Variants in ITPR3 observed in about 807,000 individuals in gnomAD.
ITPR3 encodes the protein inositol 1,4,5-trisphosphate receptor type 3, also known as inositol 1,4,5-trisphosphate-gated calcium channel ITPR3.
In ITPR3, 173 loss-of-function variants were observed where a neutral mutation model predicts 293.2. The ratio of observed to expected loss-of-function variants is 0.59; its 90% CI spans 0.52 to 0.67. ITPR3 has a LOEUF of 0.67. Ranked by LOEUF, ITPR3 falls within the 30% of genes least tolerant of loss-of-function variation. The pLI is 0.00. For missense variants in ITPR3, 2,796 were observed against 3,592.1 expected (o/e 0.78, Z 5.66); for synonymous variants, 1,295 against 1,444.4 (o/e 0.90, Z 2.35).
intron 2 of ITPR3, among the ~76,000 whole-genome samples, chr6:33,648,904 A>G (rs376820068): frequency 2.9e-5 from 4 of 140,124 alleles, no homozygotes; most frequent in African/African-American, 1.1e-4. Flanking sequence ...TGCCATGTGT[A>G]TTTTTTTTTT....
At chr6:33,694,632 T>A (rs1470435982) in intron 56 of ITPR3, 1 of 395,524 alleles carries the variant, frequency 2.5e-6, no homozygotes, top group Non-Finnish European at 4.6e-6. Context: ...CAGGGGGTGT[T>A]ATGAGAGTAA....
At chr6:33,690,269 C>G (rs995227233) in intron 51 of ITPR3, 71 bp downstream of exon 51, 4 of 1,408,918 alleles carry the variant, frequency 2.8e-6, no homozygotes, top group African/African-American at 2.8e-5. Context: ...GAGTTGTTGG[C>G]AGTTCCCCGG....
At position 33,687,434 on chromosome 6, in the gene ITPR3, C is replaced by G; in HGVS notation, c.6178-44C>G. On this transcript the variant is annotated intron_variant, in intron 45 of 57. Coordinates refer to ENST00000605930, the MANE Select transcript of ITPR3 (RefSeq NM_002224.4). The surrounding 1 kb of genome is among the most constrained non-coding windows in gnomAD (Gnocchi z 5.3). ...ATTGTCGCCCCCCAGCCACCATGTC[C>G]CCCAGCCACCACACCCTGGTGACTG... is the stretch of plus-strand genomic sequence containing the variant. 6.4e-7 allele frequency: 1 copy of G among 1,566,698 alleles called. No individual in the cohort carries two copies. The highest frequency in any genetic ancestry group is 8.7e-7 in the Non-Finnish European group (1 of 1,148,866).
chr6:33,696,054 A>T lies in ITPR3; in HGVS notation c.*274A>T. On this transcript the variant is annotated 3_prime_UTR_variant, in exon 58 of 58. Coordinates refer to ENST00000605930, the MANE Select transcript of ITPR3 (RefSeq NM_002224.4). ...AGCAGAAGATAAATCCTACCTAGAG[A>T]CCTTTGTTCCTTAAAGCAATAACTG... is the stretch of plus-strand genomic sequence containing the variant. The T allele has an allele frequency of 2.2e-6, 1 of 461,826 alleles. No homozygotes were observed. Among genetic ancestry groups the T allele is most frequent in the Non-Finnish European group, 3.9e-6 (1 of 256,822 alleles). The allele number at this position is 461,826 out of a possible 1,614,324, so 28.6% of individuals were successfully genotyped here.
At position 33,686,393 on chromosome 6, in the gene ITPR3, C is replaced by T; in HGVS notation, c.5869-16C>T. The T allele has an allele frequency of 6.2e-7, 1 of 1,610,022 alleles. No individual in the cohort carries two copies. The highest frequency in any genetic ancestry group is 8.5e-7 in the Non-Finnish European group (1 of 1,176,276). ...GAGAGGGCCTGGGCCCTGTGTCCCC[C>T]ACTGCCTCCTGCCAGACTTGCATTG... On this transcript the variant is annotated splice_polypyrimidine_tract_variant and intron_variant, in intron 42 of 57. Coordinates refer to ENST00000605930, the MANE Select transcript of ITPR3 (RefSeq NM_002224.4).
At chr6:33,656,828 C>G (rs958677318) in intron 3 of ITPR3, among the ~76,000 whole-genome samples, 1 of 152,258 alleles carries the variant, frequency 6.6e-6, no homozygotes, top group Admixed American at 6.5e-5. Flanking sequence ...CTAAGCCCCA[C>G]GCCTAGAGGA....
chr6:33,638,162 C>T lies in ITPR3; in HGVS notation c.90-2322C>T, dbSNP rs760881632. On this transcript the variant is annotated intron_variant, in intron 1 of 57. Coordinates refer to ENST00000605930, the MANE Select transcript of ITPR3 (RefSeq NM_002224.4). This position sits in a 1 kb window ranked among gnomAD's most constrained non-coding sequence, Gnocchi z 4.3. Reference sequence around the variant, plus strand: ...CTGGGATTACAGGCGCGCACCGCCACGCCCAGCTAATTTTTGTATTTTTAG... The same window carrying T: ...CTGGGATTACAGGCGCGCACCGCCATGCCCAGCTAATTTTTGTATTTTTAG... Among the ~76,000 whole-genome samples, 10 of 152,088 alleles carry T rather than the reference C, an allele frequency of 6.6e-5. No individual in the cohort carries two copies. Among genetic ancestry groups the T allele is most frequent in the African/African-American group, 1.9e-4 (8 of 41,404 alleles).
At chr6:33,662,140 G>A (rs770390284) in intron 7 of ITPR3, among the ~76,000 whole-genome samples, 1 of 152,054 alleles carries the variant, frequency 6.6e-6, no homozygotes, top group Non-Finnish European at 1.5e-5. Context: ...AAAGGACCCT[G>A]AGAGAGGGGC....
rs1561886941 is a variant in ITPR3, at chr6:33,695,792, G to GT, written c.*12_*13insT. The GT allele has an allele frequency of 6.2e-7, 1 of 1,613,720 alleles. No homozygotes were observed. The highest frequency in any genetic ancestry group is 1.7e-5 in the Admixed American group (1 of 60,034). ...GCATTAGCCGCTGAGGAGAGCCACCGAAGGCCCCAACAGGGGATGCTCATC... is the reference window on the plus strand; with the variant it reads ...GCATTAGCCGCTGAGGAGAGCCACCGTAAGGCCCCAACAGGGGATGCTCATC... On this transcript the variant is annotated 3_prime_UTR_variant, in exon 58 of 58. Coordinates refer to ENST00000605930, the MANE Select transcript of ITPR3 (RefSeq NM_002224.4).
Position 33,686,224 on chromosome 6 carries a change from T to G in ITPR3, c.5839T>G (p.Tyr1947Asp). 6.2e-7 allele frequency: 1 copy of G among 1,613,764 alleles called. No homozygotes were observed. The highest frequency in any genetic ancestry group is 1.1e-5 in the South Asian group (1 of 91,066). The change falls in exon 42 of 58, where the codon TAC (tyrosine) becomes GAC (aspartate). Residue 1947 changes from tyrosine (Y) to aspartate (D), a missense_variant. Tyr to Asp is a radical substitution (Grantham distance 160). Transcript: ENST00000605930. ...CCAGACCTTGGAGACCCTCACTGAGTACTGCCAGGGCCCCTGCCATGAGAA... is the reference window on the plus strand; with the variant it reads ...CCAGACCTTGGAGACCCTCACTGAGGACTGCCAGGGCCCCTGCCATGAGAA... Reference protein sequence around the residue: ...VIQTLETLTEYCQGPCHENQT... With the variant: ...VIQTLETLTEDCQGPCHENQT...
At position 33,633,798 on chromosome 6, in the gene ITPR3, C is replaced by G. The variant is rs866464197; in HGVS notation, c.90-6686C>G. On this transcript the variant is annotated intron_variant, in intron 1 of 57. Transcript: ENST00000605930. This position sits in a 1 kb window ranked among gnomAD's most constrained non-coding sequence, Gnocchi z 5.2. ...GGGCCGGACGCCCGGAGCTCGCGGGCCGGGCCAGGCTGGGGGCGGGGCGGG... is the reference window on the plus strand; with the variant it reads ...GGGCCGGACGCCCGGAGCTCGCGGGGCGGGCCAGGCTGGGGGCGGGGCGGG... Among the ~76,000 whole-genome samples the G allele has an allele frequency of 3.7e-5, 5 of 136,324 alleles. No individual in the cohort carries two copies. The South Asian group carries it at 9.5e-4, about 26-fold the overall frequency. The allele number at this position is 136,324 out of a possible 152,430, so 89.4% of individuals were successfully genotyped here.
intron 1 of ITPR3, among the ~76,000 whole-genome samples, chr6:33,625,333 G>A (rs1300635696): frequency 6.6e-6 from 1 of 152,060 alleles, no homozygotes; most frequent in Admixed American, 6.5e-5. Context: ...GGGTTCAAGC[G>A]ATTCTTCTGC....
intron 7 of ITPR3, 134 bp downstream of exon 7, chr6:33,659,683 C>G (rs1764407874): frequency 4.2e-6 from 3 of 709,446 alleles, no homozygotes; most frequent in South Asian, 3.4e-5. Context: ...CAGCCTCCCT[C>G]CACCTCCACA....
intron 1 of ITPR3, among the ~76,000 whole-genome samples, chr6:33,635,257 G>A (rs745538405): frequency 2.6e-5 from 4 of 152,108 alleles, no homozygotes; most frequent in Non-Finnish European, 5.9e-5. Flanking sequence ...CGAAACCCAC[G>A]GCTGGTACCA....
chr6:33,663,216 A>T (rs192837965), intron 9 of ITPR3, among the ~76,000 whole-genome samples: 1 of 152,226 alleles, frequency 6.6e-6, no homozygotes, highest in Non-Finnish European at 1.5e-5. Flanking sequence ...TGTGCCAGGC[A>T]CTATTCTAGG....
chr6:33,668,609 A>G lies in ITPR3; in HGVS notation c.1981A>G (p.Asn661Asp), dbSNP rs760985307. 1 of 1,614,188 alleles carries G rather than the reference A, an allele frequency of 6.2e-7. No homozygotes were observed. The highest frequency in any genetic ancestry group is 1.7e-5 in the Admixed American group (1 of 60,028). The change falls in exon 17 of 58, where the codon AAC (asparagine) becomes GAC (aspartate). Residue 661 changes from asparagine to aspartate, a missense_variant. This residue lies in a region of ITPR3 where 955 missense variants were observed against 1,180.8 expected (regional missense o/e 0.81). Coordinates refer to ENST00000605930, the MANE Select transcript of ITPR3 (RefSeq NM_002224.4). ...CTGCAAGTGTGTGCTGGACCCCAAGAACAGTGACATTCTCATCCGGACCGA... is the reference window on the plus strand; with the variant it reads ...CTGCAAGTGTGTGCTGGACCCCAAGGACAGTGACATTCTCATCCGGACCGA... Reference protein sequence around the residue: ...LICKCVLDPKNSDILIRTELR... With the variant: ...LICKCVLDPKDSDILIRTELR...
intron 2 of ITPR3, among the ~76,000 whole-genome samples, chr6:33,648,072 T>C (rs4713649): frequency 4.8e-4 from 47 of 98,482 alleles, no homozygotes; most frequent in Admixed American, 1.0e-3. Context: ...TTTTCTTTTT[T>C]TTTTTTTTTT....
Position 33,638,713 on chromosome 6 carries a change from G to A in ITPR3, c.90-1771G>A, listed in dbSNP as rs1205588418. On this transcript the variant is annotated intron_variant, in intron 1 of 57. Transcript: ENST00000605930. This position sits in a 1 kb window ranked among gnomAD's most constrained non-coding sequence, Gnocchi z 4.3. ...ATTAACACTTTGCATTGTGCAAGGT[G>A]TTAATCATTACAAAGAAAACACACA... Among the ~76,000 whole-genome samples, 1 of 152,256 alleles carries A rather than the reference G, an allele frequency of 6.6e-6. No individual in the cohort carries two copies. The highest frequency in any genetic ancestry group is 1.5e-5 in the Non-Finnish European group (1 of 68,052).
intron 14 of ITPR3, 22 bp downstream of exon 14, chr6:33,665,998 G>T: frequency 6.4e-6 from 10 of 1,572,618 alleles, no homozygotes; most frequent in Non-Finnish European, 7.8e-6. Flanking sequence ...CCCATGAGGG[G>T]ACGCAGAGGG....
Sources: allele counts gnomAD v4.1 joint callset (sites outside exome capture counted in the v4.1 genomes callset), GRCh38; gene constraint gnomAD v4.1.1; regional missense constraint gnomAD v4.1.1; non-coding constraint Gnocchi (gnomAD v3.1); transcripts MANE v1.5; gene names NCBI Gene and HGNC (gene_info 2026-07-23, HGNC 2026-07-21).